Variants in DPH6 observed in about 807,000 individuals in gnomAD.
The protein encoded by DPH6 is diphthine--ammonia ligase.
Under a neutral mutation model 38.2 loss-of-function variants are expected in DPH6, and 33 were observed. The observed-to-expected ratio is 0.86, with a 90% confidence interval of 0.65 to 1.15. DPH6 has a LOEUF of 1.15. Ranked by LOEUF, DPH6 falls within the 50% of genes most tolerant of loss-of-function variation. The probability of loss-of-function intolerance (pLI) is 0.00; values close to 1 mark genes in which losing one functional copy is unlikely to be tolerated. For synonymous variants in DPH6, 108 were observed against 103.0 expected (o/e 1.05, Z -0.30); for missense variants, 325 against 320.0 (o/e 1.02, Z -0.12).
intron 7 of DPH6, among the ~76,000 whole-genome samples, chr15:35,379,342 G>A (rs976196092): frequency 3.3e-5 from 5 of 152,188 alleles, no homozygotes; most frequent in African/African-American, 1.2e-4. Context: ...GACGTTTGAA[G>A]TAGGATTCCT....
chr15:35,496,567 AATATATATAT>A (rs1165939476), intron 3 of DPH6, among the ~76,000 whole-genome samples: 3 of 31,014 alleles, frequency 9.7e-5, no homozygotes, highest in Admixed American at 4.7e-4. Flanking sequence ...AAAAAAAAAA[AATATATATAT>A]ATATATATAT....
intron 3 of DPH6, among the ~76,000 whole-genome samples, chr15:35,487,331 A>C (rs1377861402): frequency 6.6e-6 from 1 of 152,214 alleles, no homozygotes; most frequent in Non-Finnish European, 1.5e-5. Context: ...GTTCTTCATG[A>C]GGGCTCTGCC....
intron 3 of DPH6, among the ~76,000 whole-genome samples, chr15:35,222,656 G>T (rs2051450298): frequency 6.6e-6 from 1 of 152,146 alleles, no homozygotes. Flanking sequence ...AGTCACTTAT[G>T]TCTTAGTCTG....
chr15:35,318,932 A>C (rs2052216598), intron 3 of DPH6, among the ~76,000 whole-genome samples: 1 of 152,188 alleles, frequency 6.6e-6, no homozygotes, highest in South Asian at 2.1e-4. Flanking sequence ...TCACGAATGC[A>C]TTTTTATTTA....
chr15:35,479,124 G>A (rs1311101066), intron 3 of DPH6, among the ~76,000 whole-genome samples: 4 of 151,970 alleles, frequency 2.6e-5, no homozygotes, highest in Non-Finnish European at 5.9e-5. Context: ...CTCTTCTACT[G>A]TGACCAGATA....
intron 6 of DPH6, among the ~76,000 whole-genome samples, chr15:35,391,103 T>G (rs1247614069): frequency 6.6e-6 from 1 of 152,100 alleles, no homozygotes; most frequent in East Asian, 1.9e-4. Flanking sequence ...TTACTGGAGG[T>G]CCACTCCAGA....
chr15:35,296,449 C>A (rs1377429843), intron 3 of DPH6, among the ~76,000 whole-genome samples: 1 of 152,104 alleles, frequency 6.6e-6, no homozygotes, highest in East Asian at 1.9e-4. Flanking sequence ...TTTTACTATA[C>A]CACTCTCACT....
At chr15:35,374,077 C>A (rs894831313) in intron 7 of DPH6, among the ~76,000 whole-genome samples, 1 of 152,004 alleles carries the variant, frequency 6.6e-6, no homozygotes, top group African/African-American at 2.4e-5. Context: ...ATGAACTCTT[C>A]ACACTGCAGT....
chr15:35,542,097 T>C (rs1015969934), intron 2 of DPH6, among the ~76,000 whole-genome samples: 2 of 152,140 alleles, frequency 1.3e-5, no homozygotes, highest in African/African-American at 2.4e-5. Context: ...TGGGGTAAAA[T>C]GGTAGTGTAC....
chr15:35,300,451 A>T (rs2052047311), intron 3 of DPH6, among the ~76,000 whole-genome samples: 1 of 152,218 alleles, frequency 6.6e-6, no homozygotes, highest in African/African-American at 2.4e-5. Context: ...TATGATTGTA[A>T]GAACGGAGAT....
Position 35,299,546 on chromosome 15 carries a change from G to A in DPH6, n.200+73975C>T, listed in dbSNP as rs556040530. ...GGAGCCAACGGCGGCACCACCCTCCGCTGAGTCCGCGGGGCGCTGGGCGGC... is the reference window on the plus strand; with the variant it reads ...GGAGCCAACGGCGGCACCACCCTCCACTGAGTCCGCGGGGCGCTGGGCGGC... On this transcript the variant is annotated intron_variant and non_coding_transcript_variant, in intron 3 of 3. Transcript: ENST00000560386. The A allele has an allele frequency of 5.4e-4, 292 of 542,002 alleles. 3 individuals carry two copies. The highest frequency in any genetic ancestry group is 5.1e-3 in the South Asian group (255 of 49,746). 33.6% of individuals were successfully genotyped at this position (542,002 alleles called of 1,614,324 possible). A position where few individuals can be genotyped will look rare whatever the true frequency, so the allele number is the denominator to read the frequency against.
At chr15:35,190,355 GT>G in the DPH6 span, among the ~76,000 whole-genome samples, 1 of 152,346 alleles carries the variant, frequency 6.6e-6, no homozygotes, top group Non-Finnish European at 1.5e-5. Context: ...CTCCCCAGGG[GT>G]TTTTAAGGAT....
In DPH6 at chr15:35,285,872, G is replaced by GTTTTTTTTTTTTTGTTTTT. The variant is rs1555391169; in HGVS notation, n.201-65291_201-65290insAAAAACAAAAAAAAAAAAA. Among the ~76,000 whole-genome samples, 24 of 52,812 alleles carry GTTTTTTTTTTTTTGTTTTT rather than the reference G, an allele frequency of 4.5e-4. 3 individuals are homozygous for GTTTTTTTTTTTTTGTTTTT. In the East Asian group the frequency reaches 0.012, roughly 27 times the overall value. 34.6% of individuals were successfully genotyped at this position (52,812 alleles called of 152,430 possible). A position where few individuals can be genotyped will look rare whatever the true frequency, so the allele number is the denominator to read the frequency against. On this transcript the variant is annotated intron_variant and non_coding_transcript_variant, in intron 3 of 3. Coordinates refer to the DPH6 transcript ENST00000560386. ...GACTCAATTATCATTTTATCTTTGA[G>GTTTTTTTTTTTTTGTTTTT]TTTTTTTTTTTTTTTTTACCTGAGA...
chr15:35,431,819 GCT>G lies in DPH6; in HGVS notation c.505+18864_505+18865del, dbSNP rs1247755060. On this transcript the variant is annotated intron_variant, in intron 5 of 8. Coordinates refer to ENST00000256538, the MANE Select transcript of DPH6 (RefSeq NM_080650.4). ...TTTTTTTTTTTGGAGATGGAGTCTC[GCT>G]CTGTCGCCCAGGCTGGAGTGCAGTG... 5.9e-5 allele frequency among the ~76,000 whole-genome samples: 9 copies of G among 151,744 alleles called. No individual in the cohort carries two copies. The South Asian group carries it at 1.9e-3, about 32-fold the overall frequency.
chr15:35,255,441 T>C (rs1418308742), intron 3 of DPH6, among the ~76,000 whole-genome samples: 1 of 152,208 alleles, frequency 6.6e-6, no homozygotes, highest in Admixed American at 6.5e-5. Context: ...TAAAATTCAA[T>C]AGTTATCAGC....
intron 3 of DPH6, among the ~76,000 whole-genome samples, chr15:35,294,895 C>A (rs558041207): frequency 6.6e-6 from 1 of 152,298 alleles, no homozygotes; most frequent in East Asian, 1.9e-4. Flanking sequence ...GCTAGTTAGT[C>A]GGGAACAGGA....
intron 3 of DPH6, among the ~76,000 whole-genome samples, chr15:35,507,637 T>G (rs2054712421): frequency 6.6e-6 from 1 of 152,122 alleles, no homozygotes; most frequent in African/African-American, 2.4e-5. Context: ...ACAGTACAAT[T>G]CTGAACTGCC....
At chr15:35,289,237 AAC>A (rs1595462601) in intron 3 of DPH6, among the ~76,000 whole-genome samples, 1 of 152,292 alleles carries the variant, frequency 6.6e-6, no homozygotes, top group East Asian at 1.9e-4. Context: ...TACTACATGA[AAC>A]AAGCTTAAGG....
At chr15:35,237,733 C>A (rs1222418886) in intron 3 of DPH6, 22 of 1,613,438 alleles carry the variant, frequency 1.4e-5, no homozygotes, top group Non-Finnish European at 8.5e-7. Context: ...AAAATGTGTT[C>A]AAGCTCCTCC....
Sources: allele counts gnomAD v4.1 joint callset (sites outside exome capture counted in the v4.1 genomes callset), GRCh38; gene constraint gnomAD v4.1.1; transcripts MANE v1.5; gene names NCBI Gene and HGNC (gene_info 2026-07-23, HGNC 2026-07-21).